Variants in HADHA observed in about 807,000 individuals in gnomAD.
HADHA encodes trifunctional enzyme subunit alpha, mitochondrial.
In HADHA, 59 loss-of-function variants were observed where a neutral mutation model predicts 91.3. The observed-to-expected ratio is 0.65, with a 90% CI of 0.52 to 0.80. The LOEUF is 0.80. Among genes scored for constraint, HADHA ranks in the 30% least tolerant of loss-of-function variants. HADHA has a pLI of 0.00. For synonymous variants in HADHA, 320 were observed against 338.9 expected (o/e 0.94, Z 0.61); for missense variants, 800 against 927.6 (o/e 0.86, Z 1.79).
chr2:26,218,778 C>A (rs190085594), intron 7 of HADHA, among the ~76,000 whole-genome samples: 2 of 151,944 alleles, frequency 1.3e-5, no homozygotes, highest in African/African-American at 2.4e-5. Context: ...GAGGCCAAGG[C>A]AGGCAGATCA....
intron 9 of HADHA, among the ~76,000 whole-genome samples, chr2:26,213,604 A>G (rs1213937432): frequency 6.6e-6 from 1 of 152,054 alleles, no homozygotes; most frequent in East Asian, 1.9e-4. Context: ...TCCTCCACCC[A>G]GCTTTCAGGG....
intron 3 of HADHA, among the ~76,000 whole-genome samples, chr2:26,237,402 G>A (rs35178186): frequency 0.18 from 27,051 of 152,126 alleles, 2,768 homozygotes; most frequent in Middle Eastern, 0.26. Context: ...CAAGGTGGGC[G>A]GATCACTTGA....
intron 1 of HADHA, among the ~76,000 whole-genome samples, chr2:26,243,664 T>G (rs1041130307): frequency 4.6e-5 from 7 of 152,180 alleles, no homozygotes; most frequent in Non-Finnish European, 7.4e-5. Context: ...AATTAAAAGT[T>G]AAAATTTCTA....
chr2:26,229,342 G>A lies in HADHA; in HGVS notation c.676+850C>T, dbSNP rs1023511811. Among the ~76,000 whole-genome samples, 6 of 84,374 alleles carry A rather than the reference G, an allele frequency of 7.1e-5. No individual in the cohort carries two copies. The highest frequency in any genetic ancestry group is 3.8e-4 in the East Asian group (1 of 2,664). 55.4% of individuals were successfully genotyped at this position (84,374 alleles called of 152,430 possible). The stretch of plus-strand genomic sequence containing the variant: ...AACAGAGTGAGACCCCAACATGTGT[G>A]CGCGCGCACACACACACACACACAC... On this transcript the variant is annotated intron_variant, in intron 7 of 19. Transcript: ENST00000380649. This position sits in a 1 kb window ranked among gnomAD's most constrained non-coding sequence, Gnocchi z 4.3.
chr2:26,217,435 A>T (rs1037354518), intron 7 of HADHA, among the ~76,000 whole-genome samples: 1 of 152,216 alleles, frequency 6.6e-6, no homozygotes, highest in African/African-American at 2.4e-5. Context: ...ATTTTTACGA[A>T]AACTATAAGC....
At chr2:26,212,392 A>G (rs961137329) in intron 10 of HADHA, 178 bp downstream of exon 10, 5 of 651,398 alleles carry the variant, frequency 7.7e-6, no homozygotes, top group Non-Finnish European at 1.4e-5. Flanking sequence ...TGGCCCCATT[A>G]GGGTATTCTT....
chr2:26,201,010 G>A, intron 13 of HADHA, 139 bp downstream of exon 13: 6 of 732,474 alleles, frequency 8.2e-6, no homozygotes. Flanking sequence ...GGGATTATAG[G>A]CGTGAGCCAC....
rs2147769822 is a variant in HADHA, at chr2:26,214,918, C to T, written c.799+135G>A. 2 of 880,700 alleles carry T rather than the reference C, an allele frequency of 2.3e-6. No individual in the cohort carries two copies. The highest frequency in any genetic ancestry group is 3.8e-6 in the Non-Finnish European group (2 of 526,628). 54.6% of individuals were successfully genotyped at this position (880,700 alleles called of 1,614,324 possible). A position where few individuals can be genotyped will look rare whatever the true frequency, so the allele number is the denominator to read the frequency against. On this transcript the variant is annotated intron_variant, in intron 8 of 19. Coordinates refer to ENST00000380649, the MANE Select transcript of HADHA (RefSeq NM_000182.5). The surrounding 1 kb of genome is among the most constrained non-coding windows in gnomAD (Gnocchi z 4.1). ...ATAGTGTAAAGTTGAGGAGTTGTTA[C>T]ATCTCCTACCTAAGGCTGACTTTAT...
At position 26,195,180 on chromosome 2, in the gene HADHA, A is replaced by G. The variant is rs1436804551; in HGVS notation, c.1532T>C (p.Ile511Thr). Residue 511 changes from isoleucine to threonine, a missense_variant, in exon 15 of 20, where the codon ATT becomes ACT. Physicochemically the swap from Ile to Thr is moderately conservative, Grantham distance 89. Coordinates refer to ENST00000380649, the MANE Select transcript of HADHA (RefSeq NM_000182.5). Reference sequence around the variant, plus strand: ...TTTGGAAGTTTTCTCGGTCGTGATAATCTCCAGCAGCTGCATCTTGTCCAC... The same window carrying G: ...TTTGGAAGTTTTCTCGGTCGTGATAGTCTCCAGCAGCTGCATCTTGTCCAC... ...SPVDKMQLLE[I>T]ITTEKTSKDT... is the part of the protein sequence containing the mutation. 1 of 1,612,538 alleles carries G rather than the reference A, an allele frequency of 6.2e-7. No individual in the cohort carries two copies.
At chr2:26,212,662 A>C in intron 9 of HADHA, 36 bp from the exon 10 acceptor site, 2 of 1,412,150 alleles carry the variant, frequency 1.4e-6, no homozygotes, top group Non-Finnish European at 2.0e-6. Flanking sequence ...CAGCGTTGGA[A>C]TAGATTGGCG....
chr2:26,240,175 T>A (rs533685004), intron 1 of HADHA, among the ~76,000 whole-genome samples: 1 of 152,362 alleles, frequency 6.6e-6, no homozygotes, highest in South Asian at 2.1e-4. Context: ...AACTGCTGCA[T>A]CTGTAGCAGG....
chr2:26,197,490 G>C (rs1255284557), intron 14 of HADHA, among the ~76,000 whole-genome samples: 1 of 152,186 alleles, frequency 6.6e-6, no homozygotes, highest in Non-Finnish European at 1.5e-5. Context: ...TGGGATCCTT[G>C]AAAAGGATAT....
At chr2:26,194,340 T>C (rs1459386786) in intron 16 of HADHA, among the ~76,000 whole-genome samples, 12 of 152,108 alleles carry the variant, frequency 7.9e-5, no homozygotes, top group Non-Finnish European at 1.8e-4. Flanking sequence ...TGCCTTTAGC[T>C]TGCTGGAACA....
At chr2:26,242,801 G>A (rs116288139) in intron 1 of HADHA, among the ~76,000 whole-genome samples, 2,760 of 152,324 alleles carry the variant, frequency 0.018, 85 homozygotes, top group African/African-American at 0.061. Flanking sequence ...GACCAGGCTG[G>A]AGTGCTGTGG....
At chr2:26,228,329 C>T (rs1436268787) in intron 7 of HADHA, among the ~76,000 whole-genome samples, 1 of 152,034 alleles carries the variant, frequency 6.6e-6, no homozygotes, top group African/African-American at 2.4e-5. Flanking sequence ...TGGGGTTTCG[C>T]CATGTTGGTC....
At position 26,204,124 on chromosome 2, in the gene HADHA, C is replaced by T; in HGVS notation, c.1158G>A (p.Lys386=). The stretch of plus-strand genomic sequence containing the variant: ...TGAGGGTGGCATCTTTAAGTATAGT[C>T]TTTAGCCCCTTATCCACGGAGACTT... ...IAQVSVDKGL[K]TILKDATLTA... Residue 386 remains lysine (K), a synonymous_variant, in exon 12 of 20, where the codon AAG becomes AAA. Transcript: ENST00000380649. The T allele has an allele frequency of 6.2e-7, 1 of 1,613,838 alleles. No homozygotes were observed. Among genetic ancestry groups the T allele is most frequent in the Non-Finnish European group, 8.5e-7 (1 of 1,179,698 alleles).
In HADHA at chr2:26,229,207, G is replaced by A. The variant is rs1027961528; in HGVS notation, c.676+985C>T. ...ATAAAAAATTAGCTGGTGTAGCAGCGTATGCCTGTGGTCTCAGCTACTCGG... is the reference window on the plus strand; with the variant it reads ...ATAAAAAATTAGCTGGTGTAGCAGCATATGCCTGTGGTCTCAGCTACTCGG... On this transcript the variant is annotated intron_variant, in intron 7 of 19. Coordinates refer to ENST00000380649, the MANE Select transcript of HADHA (RefSeq NM_000182.5). The surrounding 1 kb of genome is among the most constrained non-coding windows in gnomAD (Gnocchi z 4.3). Among the ~76,000 whole-genome samples the A allele has an allele frequency of 3.3e-5, 5 of 152,042 alleles. No homozygotes were observed. Among genetic ancestry groups the A allele is most frequent in the African/African-American group, 9.6e-5 (4 of 41,478 alleles).
chr2:26,210,021 T>C lies in HADHA; in HGVS notation c.976-132A>G. 1.4e-6 allele frequency: 1 copy of C among 713,562 alleles called. No individual in the cohort carries two copies. Among genetic ancestry groups the C allele is most frequent in the East Asian group, 2.6e-5 (1 of 38,328 alleles). The allele number at this position is 713,562 out of a possible 1,614,324, so 44.2% of individuals were successfully genotyped here. A position where few individuals can be genotyped will look rare whatever the true frequency, so the allele number is the denominator to read the frequency against. ...TGAGTCCCTGGGGATGCGGGGGAGT[T>C]TGGGGGTTCAGTGCTGCAGAAGTCT... On this transcript the variant is annotated intron_variant, in intron 10 of 19. Transcript: ENST00000380649. This position sits in a 1 kb window ranked among gnomAD's most constrained non-coding sequence, Gnocchi z 4.0.
intron 9 of HADHA, among the ~76,000 whole-genome samples, chr2:26,213,032 GTA>G (rs1223944559): frequency 6.6e-6 from 1 of 151,948 alleles, no homozygotes; most frequent in Non-Finnish European, 1.5e-5. Context: ...ACTATCCTAA[GTA>G]CAATGGCAAA....
Sources: allele counts gnomAD v4.1 joint callset (sites outside exome capture counted in the v4.1 genomes callset), GRCh38; gene constraint gnomAD v4.1.1; non-coding constraint Gnocchi (gnomAD v3.1); transcripts MANE v1.5; gene names NCBI Gene and HGNC (gene_info 2026-07-23, HGNC 2026-07-21).